FANCM: variants seen among roughly 807,000 people sequenced by gnomAD.
FANCM encodes FA complementation group M.
A neutral mutation model predicts 199.5 loss-of-function variants in FANCM; 140 were observed. The observed-to-expected ratio is 0.70, with a 90% CI of 0.61 to 0.81. The LOEUF is 0.81. FANCM is among the 30% of genes least tolerant of loss of function. FANCM has a pLI of 0.00. For synonymous variants in FANCM, 840 were observed against 836.8 expected (o/e 1.00, Z -0.07); for missense variants, 2,410 against 2,421.4 (o/e 1.00, Z 0.10).
chr14:45,138,304 G>T (rs992667379), intron 2 of FANCM, among the ~76,000 whole-genome samples: 3 of 152,118 alleles, frequency 2.0e-5, no homozygotes, highest in African/African-American at 7.2e-5. Context: ...TTCATTTAGG[G>T]CAAAGACATG....
At position 45,147,897 on chromosome 14, in the gene FANCM, GC is replaced by G. The variant is rs369490952; in HGVS notation, c.760-930del. On this transcript the variant is annotated intron_variant, in intron 3 of 22. Coordinates refer to ENST00000267430, the MANE Select transcript of FANCM (RefSeq NM_020937.4). ...GGGCGACAGAGGGAGGTTCCAAACC[GC>G]CCCCCCCCCAAAAAAAAAGCCGGGC... 4.3e-3 allele frequency among the ~76,000 whole-genome samples: 543 copies of G among 126,024 alleles called. 2 individuals carry two copies. The highest frequency in any genetic ancestry group is 8.7e-3 in the African/African-American group (286 of 33,042). 82.7% of individuals were successfully genotyped at this position (126,024 alleles called of 152,430 possible).
intron 11 of FANCM, among the ~76,000 whole-genome samples, chr14:45,169,874 C>T (rs908395119): frequency 6.6e-6 from 1 of 152,080 alleles, no homozygotes; most frequent in African/African-American, 2.4e-5. Context: ...TTTAAAGCAA[C>T]AAGTCTGTTC....
intron 17 of FANCM, 115 bp from the exon 18 acceptor site, chr14:45,185,102 T>G (rs1341589545): frequency 2.6e-6 from 2 of 783,884 alleles, no homozygotes; most frequent in African/African-American, 1.8e-5. Context: ...GTTTTTATTA[T>G]TTTATTAATC....
intron 4 of FANCM, among the ~76,000 whole-genome samples, chr14:45,149,574 G>C (rs1886674098): frequency 6.6e-6 from 1 of 152,036 alleles, no homozygotes; most frequent in African/African-American, 2.4e-5. Flanking sequence ...CACCTTGTTG[G>C]CCAAGCTGGT....
At chr14:45,159,049 A>T in intron 8 of FANCM, 47 bp from the exon 9 acceptor site, 1 of 1,188,640 alleles carries the variant, frequency 8.4e-7, no homozygotes, top group Non-Finnish European at 1.2e-6. Context: ...TTCTTGTCTA[A>T]ATGCTTTGTA....
chr14:45,162,288 A>G (rs1887662101), intron 9 of FANCM, among the ~76,000 whole-genome samples: 1 of 152,212 alleles, frequency 6.6e-6, no homozygotes, highest in Non-Finnish European at 1.5e-5. Flanking sequence ...TGGGAGGCTG[A>G]GGCAGGAGAA....
Position 45,175,698 on chromosome 14 carries a change from T to C in FANCM, c.2944T>C (p.Leu982=), listed in dbSNP as rs1400882064. Residue 982 remains leucine, a synonymous_variant, in exon 14 of 23, where the codon TTG becomes CTG. Coordinates refer to ENST00000267430, the MANE Select transcript of FANCM (RefSeq NM_020937.4). ...TDDQFYNCHS[L]TKEVLANVER... ...TGACCAATTTTATAATTGTCACTCA[T>C]TGACAAAAGAGGTACTAGCTAATGT... The C allele has an allele frequency of 6.2e-7, 1 of 1,613,480 alleles. No homozygotes were observed. The highest frequency in any genetic ancestry group is 8.5e-7 in the Non-Finnish European group (1 of 1,179,618).
chr14:45,185,027 C>G (rs1439925380), intron 17 of FANCM, among the ~76,000 whole-genome samples, 190 bp from the exon 18 acceptor site: 1 of 151,940 alleles, frequency 6.6e-6, no homozygotes, highest in Admixed American at 6.6e-5. Flanking sequence ...GGTGATCCAC[C>G]TGCTTCGGCC....
Position 45,167,147 on chromosome 14 carries a change from C to T in FANCM, c.1986C>T (p.Ile662=), listed in dbSNP as rs757122378. The T allele has an allele frequency of 5.0e-6, 8 of 1,608,426 alleles. No individual in the cohort carries two copies. In the South Asian group the frequency reaches 7.7e-5, roughly 15 times the overall value. Reference sequence around the variant, plus strand: ...GGAACTTGCAGCGAAAGTCATCTATCTTTTCCTATAGGGATGGTAAATAAA... The same window carrying T: ...GGAACTTGCAGCGAAAGTCATCTATTTTTTCCTATAGGGATGGTAAATAAA... ...PSRNLQRKSS[I]FSYRDGMRQS... Residue 662 remains isoleucine, a synonymous_variant, in exon 11 of 23, where the codon ATC becomes ATT. Transcript: ENST00000267430.
rs1888024251 is a variant in FANCM at position 45,166,996 on chromosome 14, T to C, written c.1835T>C (p.Ile612Thr). Residue 612 changes from isoleucine (I) to threonine (T), a missense_variant, in exon 11 of 23, where the codon ATT becomes ACT. Physicochemically the swap from Ile to Thr is moderately conservative, Grantham distance 89 (BLOSUM62 -1). Transcript: ENST00000267430. ...AACAAAAGAAGTATATATAAAGCTA[T>C]TTCAAGTAACAGGCAGGTCCTTCAT... is the stretch of plus-strand genomic sequence containing the variant. ...QSNKRSIYKA[I>T]SSNRQVLHFY... The C allele has an allele frequency of 3.1e-6, 5 of 1,608,848 alleles. No individual in the cohort carries two copies. The highest frequency in any genetic ancestry group is 3.4e-6 in the Non-Finnish European group (4 of 1,175,306).
intron 3 of FANCM, among the ~76,000 whole-genome samples, chr14:45,142,064 A>C (rs774005830): frequency 4.6e-5 from 7 of 152,118 alleles, no homozygotes; most frequent in Admixed American, 6.5e-5. Context: ...AAATTGCAAA[A>C]ATAGAAGTCT....
chr14:45,185,412 T>A (rs1443047823), intron 18 of FANCM, 39 bp downstream of exon 18: 1 of 1,183,444 alleles, frequency 8.4e-7, no homozygotes, highest in Admixed American at 2.2e-5. Context: ...TTTTCAATGT[T>A]TTTATGTGCT....
intron 2 of FANCM, chr14:45,138,109 G>C (rs1885653072): frequency 6.6e-6 from 1 of 152,192 alleles, no homozygotes; most frequent in African/African-American, 2.4e-5. Context: ...GAGGAATTCA[G>C]CTGTAGATAT....
chr14:45,148,916 A>G lies in FANCM; in HGVS notation c.839A>G (p.Tyr280Cys), dbSNP rs1455266388. ...GAAGATTCTCCAGATATTTTGACAT[A>G]TTCTCATGAAAGAAAAGTTGAAAAG... ...RSEDSPDILT[Y>C]SHERKVEKLI... The change falls in exon 4 of 23, where the codon TAT (tyrosine) becomes TGT (cysteine). Residue 280 changes from tyrosine to cysteine, a missense_variant. Transcript: ENST00000267430. The G allele has an allele frequency of 1.2e-6, 2 of 1,613,318 alleles. No homozygotes were observed. The highest frequency in any genetic ancestry group is 1.1e-5 in the South Asian group (1 of 91,070).
intron 13 of FANCM, among the ~76,000 whole-genome samples, chr14:45,173,590 T>G (rs1888481928): frequency 6.6e-6 from 1 of 152,224 alleles, no homozygotes; most frequent in Non-Finnish European, 1.5e-5. Flanking sequence ...GAGCAGTTCC[T>G]TGATTATTCT....
intron 14 of FANCM, chr14:45,180,991 A>T (rs1234360167): frequency 5.5e-6 from 1 of 180,920 alleles, no homozygotes; most frequent in African/African-American, 2.4e-5. Flanking sequence ...CATATATAAC[A>T]AAGAATCTTT....
intron 3 of FANCM, among the ~76,000 whole-genome samples, chr14:45,141,242 CTA>C (rs1885906073): frequency 1.4e-5 from 2 of 139,514 alleles, no homozygotes; most frequent in Non-Finnish European, 3.0e-5. Flanking sequence ...GAGCCAAGAT[CTA>C]GCCACTGCAC....
chr14:45,155,347 A>G (rs564131655), intron 7 of FANCM, 26 bp from the exon 8 acceptor site: 43 of 1,030,604 alleles, frequency 4.2e-5, no homozygotes, highest in African/African-American at 6.3e-5. Flanking sequence ...ACAGAAAAAA[A>G]TTTTGATATT....
At chr14:45,148,792 A>T in intron 3 of FANCM, 45 bp from the exon 4 acceptor site, 1 of 1,440,856 alleles carries the variant, frequency 6.9e-7, no homozygotes, top group Non-Finnish European at 9.7e-7. Flanking sequence ...AAACTAAAAA[A>T]TTTTAACATG....
Sources: gnomAD v4.1 joint callset for allele counts (sites outside exome capture counted in the v4.1 genomes callset) on GRCh38, gnomAD v4.1.1 for gene constraint, MANE v1.5 for transcripts, NCBI Gene and HGNC (gene_info 2026-07-23, HGNC 2026-07-21) for gene names.